The following DAP variants were observed in gnomAD, a reference collection of about 807,000 sequenced individuals.
DAP encodes the protein death associated protein.
DAP carries 8 observed loss-of-function variants against 13.8 expected under a neutral mutation model. The ratio of observed to expected loss-of-function variants is 0.58; its 90% CI spans 0.34 to 1.05. The LOEUF (loss-of-function observed/expected upper bound fraction) is 1.05, where lower values mean the gene tolerates loss of function less well. DAP is among the 50% of genes least tolerant of loss of function. DAP has a pLI of 0.03. For synonymous variants in DAP, 47 were observed against 47.5 expected, an observed-to-expected ratio of 0.99 and a Z score of 0.04; for missense variants, 106 against 133.2, an observed-to-expected ratio of 0.80 and a Z score of 1.01.
At chr5:10,689,364 A>C (rs1307399122) in intron 2 of DAP, among the ~76,000 whole-genome samples, 1 of 152,076 alleles carries the variant, frequency 6.6e-6, no homozygotes, top group African/African-American at 2.4e-5. Flanking sequence ...CAGCAGTAAG[A>C]ATGACCCTCC....
intron 2 of DAP, among the ~76,000 whole-genome samples, chr5:10,692,471 G>A (rs959025122): frequency 1.3e-5 from 2 of 152,060 alleles, no homozygotes; most frequent in Admixed American, 6.5e-5. Flanking sequence ...CAGGTGGGCC[G>A]GATTCTGTCT....
intron 2 of DAP, among the ~76,000 whole-genome samples, chr5:10,694,039 G>A (rs1197326028): frequency 6.6e-6 from 1 of 152,144 alleles, no homozygotes; most frequent in Non-Finnish European, 1.5e-5. Context: ...GAGCCCGGGA[G>A]GAAGCGCAAG....
At chr5:10,756,876 ACT>A (rs1740198320) in intron 1 of DAP, among the ~76,000 whole-genome samples, 1 of 151,778 alleles carries the variant, frequency 6.6e-6, no homozygotes, top group Admixed American at 6.6e-5. Context: ...GCTAATTCTA[ACT>A]CTGCTAATCT....
chr5:10,697,423 T>C (rs1374099381), intron 2 of DAP, among the ~76,000 whole-genome samples: 1 of 152,248 alleles, frequency 6.6e-6, no homozygotes, highest in Non-Finnish European at 1.5e-5. Flanking sequence ...GTTCCATCTT[T>C]GATTCTGAAC....
At chr5:10,742,766 T>G (rs947239878) in intron 2 of DAP, among the ~76,000 whole-genome samples, 5 of 152,114 alleles carry the variant, frequency 3.3e-5, no homozygotes, top group Non-Finnish European at 7.4e-5. Flanking sequence ...TGGGGAATGG[T>G]GTTTAGACAC....
chr5:10,712,474 T>C (rs1230495041), intron 2 of DAP, among the ~76,000 whole-genome samples: 2 of 152,136 alleles, frequency 1.3e-5, no homozygotes, highest in Admixed American at 1.3e-4. Context: ...ATGGAGGGAC[T>C]GGGAGACCCC....
At chr5:10,748,298 T>C in intron 1 of DAP, 27 bp from the exon 2 acceptor site, 1 of 1,600,568 alleles carries the variant, frequency 6.2e-7, no homozygotes, top group Non-Finnish European at 8.6e-7. Context: ...GAGTGTGGGA[T>C]TAATGTGGAA....
intron 2 of DAP, among the ~76,000 whole-genome samples, chr5:10,719,309 C>T (rs1739075604): frequency 6.6e-6 from 1 of 152,212 alleles, no homozygotes. Flanking sequence ...GAGGGCTCTG[C>T]AACAGGTCCA....
chr5:10,694,387 T>TACACAC (rs3836779), intron 2 of DAP, among the ~76,000 whole-genome samples: 8 of 149,162 alleles, frequency 5.4e-5, no homozygotes, highest in African/African-American at 1.2e-4. Context: ...TATATGTGCA[T>TACACAC]ACACACACAC....
At chr5:10,741,375 G>C (rs1040092471) in intron 2 of DAP, among the ~76,000 whole-genome samples, 1 of 152,124 alleles carries the variant, frequency 6.6e-6, no homozygotes, top group Non-Finnish European at 1.5e-5. Flanking sequence ...GTGCGGTGGG[G>C]GGCTGTGGTA....
intron 1 of DAP, among the ~76,000 whole-genome samples, chr5:10,749,743 CTTTTTT>C (rs34643253): frequency 3.8e-3 from 452 of 118,628 alleles, no homozygotes; most frequent in Non-Finnish European, 5.8e-3. Flanking sequence ...GACCACACAA[CTTTTTT>C]TTTTTTTTTT....
chr5:10,687,847 C>CTT (rs1380085108), intron 2 of DAP, among the ~76,000 whole-genome samples: 6 of 150,022 alleles, frequency 4.0e-5, no homozygotes, highest in African/African-American at 1.2e-4. Context: ...GCAGAGAAAT[C>CTT]TTTCTTTCCT....
intron 2 of DAP, among the ~76,000 whole-genome samples, chr5:10,726,385 G>C (rs954262483): frequency 6.6e-6 from 1 of 152,250 alleles, no homozygotes; most frequent in Non-Finnish European, 1.5e-5. Flanking sequence ...TCACAGCGTG[G>C]TGGGGAACAA....
intron 1 of DAP, among the ~76,000 whole-genome samples, chr5:10,749,666 A>G (rs779819738): frequency 2.1e-4 from 31 of 150,844 alleles, no homozygotes; most frequent in Non-Finnish European, 3.7e-4. Context: ...CTTGGCCCTT[A>G]GTGTGCTACC....
chr5:10,693,015 G>A (rs184226142), intron 2 of DAP, among the ~76,000 whole-genome samples: 1 of 152,232 alleles, frequency 6.6e-6, no homozygotes, highest in East Asian at 1.9e-4. Context: ...GGGAGGGTCC[G>A]ATGTGCATCT....
At chr5:10,724,147 A>G (rs185275823) in intron 2 of DAP, among the ~76,000 whole-genome samples, 27 of 152,318 alleles carry the variant, frequency 1.8e-4, no homozygotes, top group African/African-American at 6.3e-4. Context: ...AGCACCTCTA[A>G]TCCTGTTTAA....
intron 2 of DAP, among the ~76,000 whole-genome samples, chr5:10,684,417 G>A (rs1195042530): frequency 6.6e-6 from 1 of 152,092 alleles, no homozygotes; most frequent in African/African-American, 2.4e-5. Context: ...CTCACACTGA[G>A]CTCACCTAAA....
At chr5:10,745,485 A>G (rs1739876308) in intron 2 of DAP, among the ~76,000 whole-genome samples, 1 of 152,232 alleles carries the variant, frequency 6.6e-6, no homozygotes, top group African/African-American at 2.4e-5. Flanking sequence ...GATAGAGAAC[A>G]AATCTTTAAG....
rs549035874 is a variant in DAP at position 10,754,481 on chromosome 5, C to A, written c.56-6210G>T. Among the ~76,000 whole-genome samples, 7 of 152,220 alleles carry A rather than the reference C, an allele frequency of 4.6e-5. No individual in the cohort carries two copies. In the South Asian group the frequency reaches 1.5e-3, roughly 32 times the overall value. ...AGGCTCTTAAATTACACGGAGCAAC[C>A]CTGTTAAAGAATGAAGTTCAGAGAC... On this transcript the variant is annotated intron_variant, in intron 1 of 3. Coordinates refer to ENST00000230895, the MANE Select transcript of DAP (RefSeq NM_004394.3).
Sources: allele counts gnomAD v4.1 joint callset (sites outside exome capture counted in the v4.1 genomes callset), GRCh38; gene constraint gnomAD v4.1.1; transcripts MANE v1.5; gene names NCBI Gene and HGNC (gene_info 2026-07-23, HGNC 2026-07-21).